The following KCNIP4 variants were observed in gnomAD, a reference collection of about 807,000 sequenced individuals.
The protein encoded by KCNIP4 is Kv channel-interacting protein 4.
Under a neutral mutation model 34.0 loss-of-function variants are expected in KCNIP4, and 12 were observed. The ratio of observed to expected loss-of-function variants is 0.35; its 90% CI spans 0.23 to 0.57. The LOEUF is 0.57. Among genes scored for constraint, KCNIP4 ranks in the 20% least tolerant of loss-of-function variants. KCNIP4 has a pLI of 0.83. For missense variants in KCNIP4, 238 were observed against 311.7 expected (o/e 0.76, Z 1.78); for synonymous variants, 124 against 102.2 (o/e 1.21, Z -1.29).
At chr4:21,086,077 A>T (rs1007458030) in intron 1 of KCNIP4, among the ~76,000 whole-genome samples, 9 of 152,098 alleles carry the variant, frequency 5.9e-5, no homozygotes, top group African/African-American at 2.2e-4. Context: ...CGTCATGTAG[A>T]TATAGTGGAG....
chr4:21,458,036 T>A (rs6840285), intron 1 of KCNIP4, among the ~76,000 whole-genome samples: 77,847 of 151,120 alleles, frequency 0.52, 20,844 homozygotes, highest in Non-Finnish European at 0.59. Flanking sequence ...GTACACGTGC[T>A]CATTGCGCAG....
At chr4:20,732,165 C>T in intron 7 of KCNIP4, 97 bp from the exon 8 acceptor site, 1 of 818,872 alleles carries the variant, frequency 1.2e-6, no homozygotes, top group East Asian at 2.5e-5. Context: ...GAAAACCTAG[C>T]TGCTTATTTA....
intron 1 of KCNIP4, among the ~76,000 whole-genome samples, chr4:21,773,733 T>G (rs139023371): frequency 1.2e-4 from 9 of 77,768 alleles, no homozygotes; most frequent in East Asian, 4.5e-4. Flanking sequence ...GCAACCCCTG[T>G]TTTTTTTTGT....
intron 1 of KCNIP4, among the ~76,000 whole-genome samples, chr4:21,256,687 G>A (rs897338713): frequency 1.2e-4 from 18 of 152,248 alleles, no homozygotes; most frequent in African/African-American, 3.1e-4. Flanking sequence ...ATTTTAATGC[G>A]AAGGAAAGCC....
intron 1 of KCNIP4, among the ~76,000 whole-genome samples, chr4:21,650,348 G>A (rs1204333586): frequency 2.6e-5 from 4 of 152,202 alleles, no homozygotes; most frequent in Non-Finnish European, 4.4e-5. Flanking sequence ...GGTAGTCATA[G>A]TAGGGGGTGT....
chr4:21,083,298 C>T (rs1447699423), intron 1 of KCNIP4, among the ~76,000 whole-genome samples: 1 of 151,676 alleles, frequency 6.6e-6, no homozygotes, highest in South Asian at 2.1e-4. Context: ...TTCCTTCCCC[C>T]TCCTCAGAAA....
chr4:21,135,267 T>G (rs1751417446), intron 1 of KCNIP4, among the ~76,000 whole-genome samples: 2 of 152,178 alleles, frequency 1.3e-5, no homozygotes, highest in Non-Finnish European at 2.9e-5. Flanking sequence ...GGGAAAGCAG[T>G]GCTTTCAAAA....
In KCNIP4 at chr4:21,535,801, T is replaced by C. The variant is rs189605960; in HGVS notation, c.61+412770A>G. On this transcript the variant is annotated intron_variant, in intron 1 of 8. Transcript: ENST00000382152. The stretch of plus-strand genomic sequence containing the variant: ...TTACTCTGACTACATATTATATTTA[T>C]TTCCATCCTAAGGTTTTTCAAAGAT... Among the ~76,000 whole-genome samples the C allele has an allele frequency of 9.8e-5, 15 of 152,288 alleles. No individual in the cohort carries two copies. The East Asian group carries it at 2.9e-3, about 29-fold the overall frequency.
At chr4:21,871,982 T>C (rs969406276) in intron 1 of KCNIP4, among the ~76,000 whole-genome samples, 4 of 152,016 alleles carry the variant, frequency 2.6e-5, no homozygotes, top group African/African-American at 4.8e-5. Context: ...AAGTCTGCCT[T>C]ACCGTTTTAA....
chr4:21,392,706 C>T (rs1577290829), intron 1 of KCNIP4, among the ~76,000 whole-genome samples: 1 of 152,162 alleles, frequency 6.6e-6, no homozygotes, highest in Non-Finnish European at 1.5e-5. Context: ...AATAGACTAA[C>T]AAACTCAAAA....
At chr4:21,539,983 C>G (rs1337178365) in intron 1 of KCNIP4, among the ~76,000 whole-genome samples, 1 of 115,160 alleles carries the variant, frequency 8.7e-6, no homozygotes, top group South Asian at 4.2e-4. Context: ...TTCTCAAAAA[C>G]AAACAAACAA....
chr4:21,238,407 G>T (rs1289550922), intron 1 of KCNIP4, among the ~76,000 whole-genome samples: 6 of 152,154 alleles, frequency 3.9e-5, no homozygotes, highest in Admixed American at 2.6e-4. Context: ...AGGAAATAAA[G>T]GGTATTCAAT....
In KCNIP4 at chr4:21,071,787, C is replaced by A. The variant is rs554390629; in HGVS notation, c.62-189078G>T. On this transcript the variant is annotated intron_variant, in intron 1 of 8. Coordinates refer to ENST00000382152, the MANE Select transcript of KCNIP4 (RefSeq NM_025221.6). ...GGGTATATCTCCTAATGCTTTCCAT[C>A]GTCCCTCCCCCTACCCCACAACAGT... 1.1e-4 allele frequency among the ~76,000 whole-genome samples: 16 copies of A among 152,234 alleles called. No homozygotes were observed. The South Asian group carries it at 3.3e-3, about 32-fold the overall frequency.
intron 1 of KCNIP4, among the ~76,000 whole-genome samples, chr4:21,711,928 G>A (rs929728358): frequency 6.6e-6 from 1 of 152,128 alleles, no homozygotes; most frequent in Non-Finnish European, 1.5e-5. Flanking sequence ...CTGAGGCTGG[G>A]AAGGGTTAAG....
intron 1 of KCNIP4, among the ~76,000 whole-genome samples, chr4:21,435,584 C>A (rs1445852690): frequency 6.6e-6 from 1 of 152,050 alleles, no homozygotes; most frequent in South Asian, 2.1e-4. Flanking sequence ...TTTTAATGGG[C>A]AGAACACGGA....
chr4:21,620,918 C>T (rs1577706061), intron 1 of KCNIP4, among the ~76,000 whole-genome samples: 1 of 152,216 alleles, frequency 6.6e-6, no homozygotes, highest in African/African-American at 2.4e-5. Context: ...CATGATGCTT[C>T]CCCAGCTCTG....
At chr4:20,756,957 T>A (rs1206161412) in intron 4 of KCNIP4, among the ~76,000 whole-genome samples, 1 of 152,072 alleles carries the variant, frequency 6.6e-6, no homozygotes, top group Non-Finnish European at 1.5e-5. Context: ...AACCACTACT[T>A]CTTGATTAAT....
At chr4:21,393,659 G>T (rs1170713172) in intron 1 of KCNIP4, among the ~76,000 whole-genome samples, 1 of 152,102 alleles carries the variant, frequency 6.6e-6, no homozygotes, top group East Asian at 1.9e-4. Context: ...AAGTTATTTA[G>T]AAATGAATTT....
chr4:21,376,768 G>T (rs1320188059), intron 1 of KCNIP4, among the ~76,000 whole-genome samples: 1 of 152,172 alleles, frequency 6.6e-6, no homozygotes, highest in African/African-American at 2.4e-5. Flanking sequence ...GCACACAGGG[G>T]ACTCAGTAAT....
Sources: allele counts gnomAD v4.1 joint callset (sites outside exome capture counted in the v4.1 genomes callset), GRCh38; gene constraint gnomAD v4.1.1; transcripts MANE v1.5; gene names NCBI Gene and HGNC (gene_info 2026-07-23, HGNC 2026-07-21).